Variants in SPEF2 observed in about 807,000 individuals in gnomAD.
SPEF2 encodes sperm flagellar and cilia associated 2.
SPEF2 carries 187 observed loss-of-function variants against 224.6 expected under a neutral mutation model. The ratio of observed to expected loss-of-function variants is 0.83; its 90% CI spans 0.74 to 0.94. SPEF2 has a LOEUF of 0.94. Among genes scored for constraint, SPEF2 ranks in the 40% least tolerant of loss-of-function variants. SPEF2 has a pLI of 0.00. For synonymous variants in SPEF2, 715 were observed against 707.3 expected (o/e 1.01, Z -0.17); for missense variants, 2,170 against 2,135.6 (o/e 1.02, Z -0.32).
At chr5:35,629,151 CTTTTT>C (rs768077049) in intron 2 of SPEF2, among the ~76,000 whole-genome samples, 3 of 88,322 alleles carry the variant, frequency 3.4e-5, no homozygotes, top group African/African-American at 5.9e-5. Flanking sequence ...TCGATTGTTC[CTTTTT>C]TTTTTTTTTT....
chr5:35,663,127 A>G (rs978995214), intron 8 of SPEF2, among the ~76,000 whole-genome samples: 1 of 152,106 alleles, frequency 6.6e-6, no homozygotes. Flanking sequence ...GAGCAGGGTC[A>G]TTGTCTTTAC....
chr5:35,635,075 A>G (rs1277210858), intron 2 of SPEF2, among the ~76,000 whole-genome samples: 2 of 151,700 alleles, frequency 1.3e-5, no homozygotes, highest in Admixed American at 6.6e-5. Flanking sequence ...TTTTCTCATG[A>G]TTAGAGTGGA....
At chr5:35,633,511 A>T (rs1414669242) in intron 2 of SPEF2, among the ~76,000 whole-genome samples, 2 of 151,974 alleles carry the variant, frequency 1.3e-5, no homozygotes, top group Non-Finnish European at 2.9e-5. Context: ...CTTTCAATAA[A>T]TTTGTGTCTT....
intron 23 of SPEF2, among the ~76,000 whole-genome samples, chr5:35,752,196 C>T (rs913493820): frequency 6.6e-6 from 1 of 152,158 alleles, no homozygotes; most frequent in African/African-American, 2.4e-5. Context: ...TCCTAACAAG[C>T]CATGGATGGG....
chr5:35,763,163 C>T (rs981730755), intron 25 of SPEF2, among the ~76,000 whole-genome samples: 6 of 152,124 alleles, frequency 3.9e-5, no homozygotes, highest in African/African-American at 9.7e-5. Flanking sequence ...TGCTTTTTCA[C>T]GACTGACTTT....
chr5:35,648,869 C>A (rs111499138), intron 5 of SPEF2, among the ~76,000 whole-genome samples: 2 of 152,000 alleles, frequency 1.3e-5, no homozygotes, highest in African/African-American at 4.8e-5. Flanking sequence ...CAAAAGTTAG[C>A]CGGTTGTGGT....
At chr5:35,804,809 G>C (rs1390839461) in intron 34 of SPEF2, among the ~76,000 whole-genome samples, 1 of 152,148 alleles carries the variant, frequency 6.6e-6, no homozygotes, top group Non-Finnish European at 1.5e-5. Context: ...GAGAGCCCAG[G>C]TTCCTTCTTT....
At chr5:35,690,946 A>T in intron 10 of SPEF2, 91 bp from the exon 11 acceptor site, 1 of 974,986 alleles carries the variant, frequency 1.0e-6, no homozygotes, top group Non-Finnish European at 1.5e-6. Flanking sequence ...TGTTGGCTAT[A>T]ATTTGGATTT....
At chr5:35,727,932 A>G (rs978484716) in intron 21 of SPEF2, 109 bp downstream of exon 21, 1 of 1,150,928 alleles carries the variant, frequency 8.7e-7, no homozygotes, top group Non-Finnish European at 1.2e-6. Context: ...CAGGTAATAT[A>G]TATCTATCCA....
intron 10 of SPEF2, among the ~76,000 whole-genome samples, chr5:35,681,097 T>C (rs1003801813): frequency 2.0e-5 from 3 of 152,236 alleles, no homozygotes; most frequent in African/African-American, 7.2e-5. Context: ...ACTTTTTCTT[T>C]GGATACAATT....
At chr5:35,620,741 A>T (rs1288059771) in intron 1 of SPEF2, among the ~76,000 whole-genome samples, 1 of 152,214 alleles carries the variant, frequency 6.6e-6, no homozygotes, top group Non-Finnish European at 1.5e-5. Context: ...GGCTTAAAGG[A>T]TATTTATGTA....
At chr5:35,783,014 C>T (rs1754560422) in intron 30 of SPEF2, among the ~76,000 whole-genome samples, 1 of 152,232 alleles carries the variant, frequency 6.6e-6, no homozygotes, top group South Asian at 2.1e-4. Context: ...ATTTTTCCTG[C>T]CACTTAACAA....
chr5:35,770,640 T>A (rs1752702145), intron 26 of SPEF2, among the ~76,000 whole-genome samples: 2 of 152,194 alleles, frequency 1.3e-5, no homozygotes, highest in Non-Finnish European at 2.9e-5. Flanking sequence ...CTTATTTTGC[T>A]TAGCATAATG....
chr5:35,687,985 C>T (rs1753897773), intron 10 of SPEF2, among the ~76,000 whole-genome samples: 1 of 152,064 alleles, frequency 6.6e-6, no homozygotes, highest in African/African-American at 2.4e-5. Context: ...AAAATGGACT[C>T]TTGTTGAATA....
Position 35,641,583 on chromosome 5 carries a change from A to C in SPEF2, c.314A>C (p.Gln105Pro). Reference sequence around the variant, plus strand: ...TTATATCAATTGTACATTGCTCTTCAGAAAAAGAAGAAAAGTGGACTGACT... The same window carrying C: ...TTATATCAATTGTACATTGCTCTTCCGAAAAAGAAGAAAAGTGGACTGACT... ...KLLYQLYIAL[Q>P]KKKKSGLTGV... is the part of the protein sequence containing the mutation. The change falls in exon 3 of 37, where the codon CAG becomes CCG. Residue 105 changes from glutamine (Q) to proline (P), a missense_variant. Coordinates refer to ENST00000356031, the MANE Select transcript of SPEF2 (RefSeq NM_024867.4). 1 of 1,613,782 alleles carries C rather than the reference A, an allele frequency of 6.2e-7. No individual in the cohort carries two copies. Among genetic ancestry groups the C allele is most frequent in the Non-Finnish European group, 8.5e-7 (1 of 1,179,790 alleles).
chr5:35,813,720 A>G (rs1758675015), intron 36 of SPEF2, among the ~76,000 whole-genome samples: 1 of 152,188 alleles, frequency 6.6e-6, no homozygotes, highest in South Asian at 2.1e-4. Context: ...CATATGGTGA[A>G]CAAACTCATG....
At chr5:35,659,782 G>T (rs1313966371) in intron 8 of SPEF2, among the ~76,000 whole-genome samples, 1 of 151,320 alleles carries the variant, frequency 6.6e-6, no homozygotes, top group Non-Finnish European at 1.5e-5. Flanking sequence ...GTTTACTAGA[G>T]TAGGCATTGG....
At chr5:35,712,005 A>AT (rs1741248924) in intron 19 of SPEF2, among the ~76,000 whole-genome samples, 1 of 152,102 alleles carries the variant, frequency 6.6e-6, no homozygotes, top group African/African-American at 2.4e-5. Context: ...TAATTGGGGC[A>AT]TCTCCAGATC....
intron 2 of SPEF2, among the ~76,000 whole-genome samples, chr5:35,635,071 C>T (rs1745641715): frequency 6.6e-6 from 1 of 151,914 alleles, no homozygotes; most frequent in African/African-American, 2.4e-5. Context: ...ATGTTTTTCT[C>T]ATGATTAGAG....
Sources: gnomAD v4.1 joint callset for allele counts (sites outside exome capture counted in the v4.1 genomes callset) on GRCh38, gnomAD v4.1.1 for gene constraint, MANE v1.5 for transcripts, NCBI Gene and HGNC (gene_info 2026-07-23, HGNC 2026-07-21) for gene names.